Variants in SUN5 observed in about 807,000 individuals in gnomAD.
SUN5 encodes Sad1 and UNC84 domain containing 5.
A neutral mutation model predicts 53.7 loss-of-function variants in SUN5; 44 were observed. That is an observed-to-expected ratio of 0.82 (90% CI 0.64 to 1.05). The LOEUF is 1.05. SUN5 is among the 50% of genes least tolerant of loss of function. SUN5 has a pLI of 0.00. For missense variants in SUN5, 433 were observed against 483.8 expected (o/e 0.90, Z 0.98); for synonymous variants, 166 against 179.8 (o/e 0.92, Z 0.62).
intron 5 of SUN5, among the ~76,000 whole-genome samples, chr20:32,999,486 G>A (rs939190847): frequency 2.6e-5 from 4 of 152,068 alleles, no homozygotes; most frequent in Non-Finnish European, 2.9e-5. Flanking sequence ...CCAGCTACTC[G>A]GGAGACTGAG....
At chr20:33,000,632 C>T (rs1033889392) in intron 4 of SUN5, among the ~76,000 whole-genome samples, 3 of 151,948 alleles carry the variant, frequency 2.0e-5, no homozygotes, top group Non-Finnish European at 4.4e-5. Context: ...GTGGGAGGAT[C>T]ACTGGAGTTT....
chr20:33,004,159 T>C, intron 1 of SUN5, 105 bp downstream of exon 1: 1 of 1,247,078 alleles, frequency 8.0e-7, no homozygotes, highest in African/African-American at 1.5e-5. Context: ...TGGCTGTCTC[T>C]GTACAGTACA....
chr20:32,984,044 G>C (rs781477184), intron 12 of SUN5, 95 bp from the exon 13 acceptor site: 93 of 1,420,852 alleles, frequency 6.5e-5, no homozygotes, highest in Non-Finnish European at 7.5e-5. Context: ...CCATTTCATA[G>C]GTGGGAAAAC....
At chr20:33,002,786 G>A in intron 2 of SUN5, 75 bp downstream of exon 2, 1 of 1,605,472 alleles carries the variant, frequency 6.2e-7, no homozygotes, top group African/African-American at 1.3e-5. Context: ...GTAGCCCCAG[G>A]TTGCCCGTTT....
intron 5 of SUN5, among the ~76,000 whole-genome samples, chr20:32,998,700 G>A (rs371719231): frequency 9.9e-5 from 15 of 151,934 alleles, no homozygotes; most frequent in Non-Finnish European, 4.4e-5. Flanking sequence ...TGGTACTGGA[G>A]GTTCTAGCCA....
intron 10 of SUN5, 40 bp from the exon 11 acceptor site, chr20:32,985,943 TA>T (rs777017287): frequency 1.9e-6 from 3 of 1,590,774 alleles, no homozygotes; most frequent in African/African-American, 1.3e-5. Context: ...GCTGGGTGGG[TA>T]GGGGGATCAT....
chr20:33,000,264 C>G, intron 4 of SUN5, 129 bp from the exon 5 acceptor site: 1 of 1,148,918 alleles, frequency 8.7e-7, no homozygotes, highest in Non-Finnish European at 1.2e-6. Context: ...CCCTGGTAAA[C>G]GTGTCCTTCA....
chr20:33,004,048 A>G (rs1052053889), intron 1 of SUN5, among the ~76,000 whole-genome samples: 2 of 152,184 alleles, frequency 1.3e-5, no homozygotes, highest in Non-Finnish European at 2.9e-5. Context: ...TTCCCGGCAC[A>G]CAGTAGATGC....
In SUN5 at chr20:32,983,891, T is replaced by C. The variant is rs758335571; in HGVS notation, c.1043A>G (p.Asn348Ser). ...VKVKISSNWGNPGFTCLYRVR... is the reference protein window; with the variant it reads ...VKVKISSNWGSPGFTCLYRVR... ...GCGGTACAGGCAAGTGAAGCCTGGG[T>C]TCCCCCAGTTGCTTGAGATCTTCAC... The change falls in exon 13 of 13, where the codon AAC (asparagine) becomes AGC (serine). Residue 348 changes from asparagine to serine, a missense_variant. By Grantham distance (46) the Asn-to-Ser change is conservative (BLOSUM62 1). Coordinates refer to ENST00000356173, the MANE Select transcript of SUN5 (RefSeq NM_080675.4). 1 of 1,599,214 alleles carries C rather than the reference T, an allele frequency of 6.3e-7. No individual in the cohort carries two copies. Among genetic ancestry groups the C allele is most frequent in the Non-Finnish European group, 8.5e-7 (1 of 1,172,920 alleles).
intron 1 of SUN5, 26 bp from the exon 2 acceptor site, chr20:33,002,945 C>T: frequency 6.2e-7 from 1 of 1,613,496 alleles, no homozygotes; most frequent in Non-Finnish European, 8.5e-7. Context: ...TTCATAGTCG[C>T]ATTTTACAAT....
Position 32,995,641 on chromosome 20 carries a change from T to A in SUN5, c.512A>T (p.Glu171Val). Residue 171 changes from glutamate (E) to valine (V), a missense_variant, in exon 8 of 13, where the codon GAG (glutamate) becomes GTG (valine). Coordinates refer to ENST00000356173, the MANE Select transcript of SUN5 (RefSeq NM_080675.4). ...SMNQLIAKLQEMEAMSDEQKM... is the reference protein window; with the variant it reads ...SMNQLIAKLQVMEAMSDEQKM... ...CACCTCATCGGACATGGCTTCCATC[T>A]CCTGGAGCTTGGCAATGAGCTGGTT... The A allele has an allele frequency of 6.2e-7, 1 of 1,614,188 alleles. No homozygotes were observed. The highest frequency in any genetic ancestry group is 8.5e-7 in the Non-Finnish European group (1 of 1,180,026).
Position 32,997,619 on chromosome 20 carries a change from G to A in SUN5, c.390+19C>T. 1 of 1,613,810 alleles carries A rather than the reference G, an allele frequency of 6.2e-7. No individual in the cohort carries two copies. The highest frequency in any genetic ancestry group is 8.5e-7 in the Non-Finnish European group (1 of 1,179,786). On this transcript the variant is annotated intron_variant, in intron 6 of 12. Transcript: ENST00000356173. ...GTGAGACCTGTCAGCTGTGGGGCCT[G>A]AGGAGGGTGCACACTCACCTGCCAG...
In SUN5 at chr20:32,985,233, T is replaced by C. The variant is rs200739067; in HGVS notation, c.898-48A>G. The C allele has an allele frequency of 6.4e-6, 10 of 1,562,964 alleles. No individual in the cohort carries two copies. In the Admixed American group the frequency reaches 8.4e-5, roughly 13 times the overall value. On this transcript the variant is annotated intron_variant, in intron 11 of 12. Coordinates refer to ENST00000356173, the MANE Select transcript of SUN5 (RefSeq NM_080675.4). Reference sequence around the variant, plus strand: ...AAGGCGTCAGATACAAGCAGGGCCCTCAGAGGGTGTCTCCCCTCTCCAGTG... The same window carrying C: ...AAGGCGTCAGATACAAGCAGGGCCCCCAGAGGGTGTCTCCCCTCTCCAGTG...
chr20:32,988,187 G>A (rs76748819), intron 9 of SUN5, among the ~76,000 whole-genome samples: 2,676 of 152,218 alleles, frequency 0.018, 75 homozygotes, highest in African/African-American at 0.06. Flanking sequence ...CAGGGTAAGC[G>A]CTCCCCACGT....
Position 32,985,157 on chromosome 20 carries a change from A to G in SUN5, c.926T>C (p.Val309Ala). 3 of 1,613,892 alleles carry G rather than the reference A, an allele frequency of 1.9e-6. No homozygotes were observed. Among genetic ancestry groups the G allele is most frequent in the Non-Finnish European group, 2.5e-6 (3 of 1,179,932 alleles). ...YGMEGSPKEE[V>A]FLGAFQFQPE... is the part of the protein sequence containing the mutation. ...CTGAAACTGAAATGCCCCCAGGAAC[A>G]CCTCCTCCTTGGGGGAGCCCTCCAT... Residue 309 changes from valine (V) to alanine (A), a missense_variant, in exon 12 of 13, where the codon GTG (valine) becomes GCG (alanine). Coordinates refer to ENST00000356173, the MANE Select transcript of SUN5 (RefSeq NM_080675.4).
At chr20:32,989,218 C>T (rs1272084072) in intron 9 of SUN5, among the ~76,000 whole-genome samples, 1 of 152,224 alleles carries the variant, frequency 6.6e-6, no homozygotes, top group Non-Finnish European at 1.5e-5. Flanking sequence ...AGCCACCACA[C>T]CTGGCCGAAG....
chr20:32,995,563 C>CA (rs373701733), intron 8 of SUN5, 56 bp downstream of exon 8: 15,212 of 1,475,188 alleles, frequency 0.01, 110 homozygotes, highest in Non-Finnish European at 0.013. Flanking sequence ...GTATAGGAAA[C>CA]AGGACATCAA....
At chr20:32,999,854 A>G in intron 5 of SUN5, 1 of 1,475,036 alleles carries the variant, frequency 6.8e-7, no homozygotes, top group Non-Finnish European at 9.1e-7. Context: ...CAATGTTCAT[A>G]ACACGGTTTG....
At chr20:32,996,395 G>A (rs2088236456) in intron 6 of SUN5, 37 bp from the exon 7 acceptor site, 1 of 1,597,992 alleles carries the variant, frequency 6.3e-7, no homozygotes, top group Non-Finnish European at 8.6e-7. Flanking sequence ...GTCTCCTTCA[G>A]ATGGCTTAAT....
Sources: gnomAD v4.1 joint callset for allele counts (sites outside exome capture counted in the v4.1 genomes callset) on GRCh38, gnomAD v4.1.1 for gene constraint, MANE v1.5 for transcripts, NCBI Gene and HGNC (gene_info 2026-07-23, HGNC 2026-07-21) for gene names.